Variants in SLC35F4 observed in about 807,000 individuals in gnomAD.
The protein encoded by SLC35F4 is solute carrier family 35 member F4.
In SLC35F4, 24 loss-of-function variants were observed where a neutral mutation model predicts 44.2. That is an observed-to-expected ratio of 0.54 (90% CI 0.39 to 0.76). The LOEUF is 0.76. Ranked by LOEUF, SLC35F4 falls within the 30% of genes least tolerant of loss-of-function variation. The probability of loss-of-function intolerance (pLI) is 0.00; values close to 1 mark genes in which losing one functional copy is unlikely to be tolerated. For missense variants in SLC35F4, 562 were observed against 586.1 expected (o/e 0.96, Z 0.42); for synonymous variants, 238 against 223.6 (o/e 1.06, Z -0.57).
chr14:57,972,534 T>C (rs1261992098), downstream of SLC35F4, among the ~76,000 whole-genome samples: 1 of 151,194 alleles, frequency 6.6e-6, no homozygotes, highest in African/African-American at 2.4e-5. Flanking sequence ...CAAAATATCA[T>C]GCTGAAGTGG....
chr14:57,806,444 A>G (rs577481054), intron 1 of SLC35F4, among the ~76,000 whole-genome samples: 86 of 152,294 alleles, frequency 5.6e-4, no homozygotes, highest in African/African-American at 1.8e-3. Flanking sequence ...ACACACACCA[A>G]TCATGTCTCC....
chr14:57,684,460 T>G (rs2075008322), intron 1 of SLC35F4, among the ~76,000 whole-genome samples: 1 of 152,132 alleles, frequency 6.6e-6, no homozygotes, highest in Non-Finnish European at 1.5e-5. Context: ...CCCTCACATG[T>G]GCAGTTCACA....
At chr14:57,922,803 G>A (rs1229270357) in intron 1 of SLC35F4, among the ~76,000 whole-genome samples, 1 of 152,160 alleles carries the variant, frequency 6.6e-6, no homozygotes, top group East Asian at 1.9e-4. Flanking sequence ...TGTAAAATGT[G>A]GCATTAGGCT....
At chr14:57,686,385 C>T (rs2075068701) in intron 1 of SLC35F4, among the ~76,000 whole-genome samples, 1 of 152,144 alleles carries the variant, frequency 6.6e-6, no homozygotes, top group Admixed American at 6.6e-5. Flanking sequence ...TGAGCTCAGT[C>T]GTTCAGGGCA....
intron 1 of SLC35F4, among the ~76,000 whole-genome samples, chr14:57,642,578 C>T (rs1180309436): frequency 6.6e-6 from 1 of 151,780 alleles, no homozygotes; most frequent in Non-Finnish European, 1.5e-5. Context: ...CACAAAACAT[C>T]TGGACAAAAG....
intron 1 of SLC35F4, among the ~76,000 whole-genome samples, chr14:57,909,867 G>A (rs1246665908): frequency 6.6e-6 from 1 of 152,116 alleles, no homozygotes; most frequent in East Asian, 1.9e-4. Flanking sequence ...TATGGTAAGA[G>A]TATTTTTAAT....
chr14:57,640,397 TC>T (rs1949147300), intron 1 of SLC35F4, among the ~76,000 whole-genome samples: 1 of 152,076 alleles, frequency 6.6e-6, no homozygotes, highest in Non-Finnish European at 1.5e-5. Context: ...TATAAAAACT[TC>T]AAGCCAAGAG....
intron 1 of SLC35F4, among the ~76,000 whole-genome samples, chr14:57,713,585 T>C (rs1161954554): frequency 2.0e-5 from 3 of 152,216 alleles, no homozygotes. Context: ...ACTGGGTAAG[T>C]ACTGTGTTTC....
intron 1 of SLC35F4, among the ~76,000 whole-genome samples, chr14:57,600,754 A>C (rs1471384040): frequency 2.0e-5 from 3 of 151,536 alleles, no homozygotes; most frequent in Non-Finnish European, 4.4e-5. Context: ...TCAACAAAAT[A>C]TATGAACAGT....
chr14:57,611,621 A>G (rs1014284819), intron 1 of SLC35F4, among the ~76,000 whole-genome samples: 1 of 152,026 alleles, frequency 6.6e-6, no homozygotes, highest in Non-Finnish European at 1.5e-5. Flanking sequence ...TTACCATTTA[A>G]TCACTTCTAC....
chr14:57,630,098 A>G, intron 1 of SLC35F4: 7 of 545,416 alleles, frequency 1.3e-5, no homozygotes, highest in Non-Finnish European at 2.6e-5. Flanking sequence ...GATGCTGAAG[A>G]TGCTTACATA....
intron 1 of SLC35F4, among the ~76,000 whole-genome samples, chr14:57,739,156 G>A (rs10129460): frequency 0.081 from 12,278 of 152,080 alleles, 602 homozygotes; most frequent in East Asian, 0.18. Context: ...GCTCAGAACA[G>A]TCTTGGGACA....
intron 1 of SLC35F4, among the ~76,000 whole-genome samples, chr14:57,700,495 TTTCA>T (rs1167454612): frequency 6.6e-6 from 1 of 152,212 alleles, no homozygotes; most frequent in Admixed American, 6.5e-5. Context: ...TTAAAAATTC[TTTCA>T]TTAATAATAA....
chr14:57,940,902 C>T (rs1212214351), intron 1 of SLC35F4, among the ~76,000 whole-genome samples: 1 of 152,214 alleles, frequency 6.6e-6, no homozygotes, highest in Non-Finnish European at 1.5e-5. Context: ...GACATCATCA[C>T]TCATAGGTAT....
intron 3 of SLC35F4, among the ~76,000 whole-genome samples, chr14:57,585,336 C>A (rs1447799785): frequency 6.6e-6 from 1 of 152,098 alleles, no homozygotes; most frequent in African/African-American, 2.4e-5. Context: ...TGGAACGTAT[C>A]TATCTCAAAA....
At chr14:57,851,149 T>C (rs1004438569) in intron 1 of SLC35F4, among the ~76,000 whole-genome samples, 1 of 152,196 alleles carries the variant, frequency 6.6e-6, no homozygotes, top group African/African-American at 2.4e-5. Context: ...TAGCTTTTTA[T>C]TAGTCCAACC....
chr14:57,705,567 G>T (rs1451475841), intron 1 of SLC35F4, among the ~76,000 whole-genome samples: 4 of 152,120 alleles, frequency 2.6e-5, no homozygotes, highest in Non-Finnish European at 5.9e-5. Context: ...ATGAAAGCAG[G>T]TATGTTCCTC....
chr14:57,624,635 C>A (rs58798466), intron 1 of SLC35F4, among the ~76,000 whole-genome samples: 9,464 of 152,200 alleles, frequency 0.062, 817 homozygotes, highest in African/African-American at 0.2. Flanking sequence ...CCCTGGGATG[C>A]AAGATTGGTT....
At chr14:57,861,288 C>G (rs1418065044) in intron 1 of SLC35F4, among the ~76,000 whole-genome samples, 1 of 152,180 alleles carries the variant, frequency 6.6e-6, no homozygotes, top group Non-Finnish European at 1.5e-5. Context: ...CTCAGTTATA[C>G]ACTTTCCCAA....
Sources: allele counts gnomAD v4.1 joint callset (sites outside exome capture counted in the v4.1 genomes callset), GRCh38; gene constraint gnomAD v4.1.1; transcripts MANE v1.5; gene names NCBI Gene and HGNC (gene_info 2026-07-23, HGNC 2026-07-21).